C5orf24: variants seen among roughly 807,000 people sequenced by gnomAD.
The protein encoded by C5orf24 is UPF0461 protein C5orf24.
C5orf24 carries 4 observed loss-of-function variants against 9.8 expected under a neutral mutation model. That is an observed-to-expected ratio of 0.41 (90% CI 0.20 to 0.93). C5orf24 has a LOEUF of 0.93. C5orf24 is among the 40% of genes least tolerant of loss of function. C5orf24 has a pLI of 0.33. For missense variants in C5orf24, 170 were observed against 236.9 expected (o/e 0.72, Z 1.85); for synonymous variants, 73 against 81.3 (o/e 0.90, Z 0.55).
rs1193823832 is a variant in C5orf24, at chr5:134,848,330, CAAAA to C, written c.-4+2121_-4+2124del. The stretch of plus-strand genomic sequence containing the variant: ...CATATCAAAACAAAACAAAACAAAA[CAAAA>C]AACAAATGTCGCTTGCATACTTTCA... On this transcript the variant is annotated intron_variant, in intron 1 of 1. Transcript: ENST00000394976. Among the ~76,000 whole-genome samples the C allele has an allele frequency of 2.0e-5, 3 of 149,574 alleles. No individual in the cohort carries two copies. The East Asian group carries it at 5.9e-4, about 30-fold the overall frequency.
intron 1 of C5orf24, among the ~76,000 whole-genome samples, chr5:134,853,992 A>G (rs1345128682): frequency 6.6e-6 from 1 of 152,166 alleles, no homozygotes; most frequent in Non-Finnish European, 1.5e-5. Context: ...AGGCAGGAGA[A>G]TCACTTGAAC....
chr5:134,837,799 T>C, the C5orf24 span, among the ~76,000 whole-genome samples: 1 of 152,220 alleles, frequency 6.6e-6, no homozygotes, highest in Admixed American at 6.5e-5. Flanking sequence ...ATTCAGTCCA[T>C]TAGTTTGTTA....
At chr5:134,849,639 G>A (rs1002733073) in intron 1 of C5orf24, among the ~76,000 whole-genome samples, 1 of 130,922 alleles carries the variant, frequency 7.6e-6, no homozygotes, top group East Asian at 2.5e-4. Context: ...GAAATGTTAA[G>A]TCAGTGTCTT....
chr5:134,849,992 A>G (rs1443670738), intron 1 of C5orf24, among the ~76,000 whole-genome samples: 3 of 152,090 alleles, frequency 2.0e-5, no homozygotes, highest in East Asian at 3.9e-4. Flanking sequence ...ATTGGAATAA[A>G]TAGCTTTACT....
upstream of C5orf24, chr5:134,845,937 C>A (rs549601380): frequency 1.2e-4 from 19 of 152,352 alleles, no homozygotes; most frequent in African/African-American, 3.6e-4. Context: ...TGTGCGTGCG[C>A]GGCCCTCGCG....
chr5:134,855,773 T>G lies in C5orf24; in HGVS notation c.*306T>G. 8.2e-7 allele frequency: 1 copy of G among 1,221,078 alleles called. No homozygotes were observed. Among genetic ancestry groups the G allele is most frequent in the Non-Finnish European group, 1.0e-6 (1 of 966,832 alleles). 75.6% of individuals were successfully genotyped at this position (1,221,078 alleles called of 1,614,324 possible). A position where few individuals can be genotyped will look rare whatever the true frequency, so the allele number is the denominator to read the frequency against. On this transcript the variant is annotated 3_prime_UTR_variant, in exon 2 of 2. Transcript: ENST00000394976. Reference sequence around the variant, plus strand: ...CTACTTTGGGGCTGTTCTAAATAGATGCTTTATGTGATAAACAACTGAAAC... The same window carrying G: ...CTACTTTGGGGCTGTTCTAAATAGAGGCTTTATGTGATAAACAACTGAAAC...
intron 1 of C5orf24, among the ~76,000 whole-genome samples, chr5:134,851,651 T>C (rs1388508270): frequency 6.6e-6 from 1 of 152,154 alleles, no homozygotes; most frequent in African/African-American, 2.4e-5. Context: ...ACATTGTAAA[T>C]TGTTGGTTCT....
intron 1 of C5orf24, among the ~76,000 whole-genome samples, chr5:134,849,859 T>A (rs1056933138): frequency 6.6e-6 from 1 of 151,966 alleles, no homozygotes; most frequent in Admixed American, 6.6e-5. Context: ...GGTTTCTCCC[T>A]GTTGGCCAGG....
At chr5:134,853,528 CTTTTTTTTTT>C (rs773207000) in intron 1 of C5orf24, among the ~76,000 whole-genome samples, 11 of 104,246 alleles carry the variant, frequency 1.1e-4, no homozygotes, top group African/African-American at 3.5e-4. Flanking sequence ...TCTTCTTCTT[CTTTTTTTTTT>C]TTTTTTTTTT....
chr5:134,839,290 T>G, the C5orf24 span, among the ~76,000 whole-genome samples: 1 of 152,064 alleles, frequency 6.6e-6, no homozygotes, highest in Non-Finnish European at 1.5e-5. Context: ...TCCAATGATA[T>G]GTTTGATTGT....
chr5:134,850,338 G>C (rs536053951), intron 1 of C5orf24, among the ~76,000 whole-genome samples: 1 of 151,426 alleles, frequency 6.6e-6, no homozygotes, highest in Non-Finnish European at 1.5e-5. Flanking sequence ...GTAGAGATGG[G>C]GTTTCTCCAT....
At chr5:134,849,027 C>T (rs1274440813) in intron 1 of C5orf24, among the ~76,000 whole-genome samples, 7 of 150,106 alleles carry the variant, frequency 4.7e-5, no homozygotes, top group African/African-American at 1.7e-4. Context: ...GGAGGCTGAG[C>T]GGGTGGATCA....
upstream of C5orf24, among the ~76,000 whole-genome samples, chr5:134,843,766 G>T (rs547443026): frequency 1.3e-5 from 2 of 152,176 alleles, no homozygotes; most frequent in Non-Finnish European, 2.9e-5. Flanking sequence ...TGTTGGCCAG[G>T]CTGGTCTTGA....
intron 1 of C5orf24, among the ~76,000 whole-genome samples, chr5:134,848,483 C>T (rs1453883290): frequency 6.8e-6 from 1 of 146,516 alleles, no homozygotes; most frequent in African/African-American, 2.5e-5. Flanking sequence ...ATGGTGAAAC[C>T]TCGTTTCTAC....
At position 134,855,697 on chromosome 5, in the gene C5orf24, A is replaced by C; in HGVS notation, c.*230A>C. 3.6e-6 allele frequency: 5 copies of C among 1,405,266 alleles called. No individual in the cohort carries two copies. The East Asian group carries it at 1.4e-4, about 39-fold the overall frequency. The allele number at this position is 1,405,266 out of a possible 1,614,324, so 87.0% of individuals were successfully genotyped here. On this transcript the variant is annotated 3_prime_UTR_variant, in exon 2 of 2. Coordinates refer to ENST00000394976, the MANE Select transcript of C5orf24 (RefSeq NM_001135586.1). Reference sequence around the variant, plus strand: ...TAGGTTCAAGTGTAACACCTAACTAAATCATTTTTCCTTTTCCTTTAGAGT... The same window carrying C: ...TAGGTTCAAGTGTAACACCTAACTACATCATTTTTCCTTTTCCTTTAGAGT...
the C5orf24 span, among the ~76,000 whole-genome samples, chr5:134,840,403 C>G: frequency 6.6e-6 from 1 of 151,024 alleles, no homozygotes; most frequent in Non-Finnish European, 1.5e-5. Flanking sequence ...GAGTCCAGGT[C>G]TTGCTCTGTT....
At chr5:134,853,194 CAAAATA>C (rs1168565552) in intron 1 of C5orf24, among the ~76,000 whole-genome samples, 4 of 150,666 alleles carry the variant, frequency 2.7e-5, no homozygotes, top group Admixed American at 1.3e-4. Flanking sequence ...AATGAAAATA[CAAAATA>C]AAAATAAAAA....
At chr5:134,849,586 G>T (rs931197175) in intron 1 of C5orf24, among the ~76,000 whole-genome samples, 1 of 148,626 alleles carries the variant, frequency 6.7e-6, no homozygotes. Flanking sequence ...CTTGGCAGTA[G>T]CAGGGAAGGA....
chr5:134,857,708 G>A lies in C5orf24; in HGVS notation c.*2241G>A, dbSNP rs537119206. ...CGTTACCTACTCTGTACATGTATCT[G>A]TCATTTAGCTGTTTCTCAAGATGAT... On this transcript the variant is annotated 3_prime_UTR_variant, in exon 2 of 2. Transcript: ENST00000394976. 7.8e-6 allele frequency: 2 copies of A among 257,014 alleles called. No individual in the cohort carries two copies. The highest frequency in any genetic ancestry group is 1.5e-4 in the East Asian group (2 of 13,088). 15.9% of individuals were successfully genotyped at this position (257,014 alleles called of 1,614,324 possible). A position where few individuals can be genotyped will look rare whatever the true frequency, so the allele number is the denominator to read the frequency against.
Sources: allele counts gnomAD v4.1 joint callset (sites outside exome capture counted in the v4.1 genomes callset), GRCh38; gene constraint gnomAD v4.1.1; transcripts MANE v1.5; gene names NCBI Gene and HGNC (gene_info 2026-07-23, HGNC 2026-07-21).